JDP2: variants seen among roughly 807,000 people sequenced by gnomAD.
The protein encoded by JDP2 is Jun dimerization protein 2, also known as progesterone receptor co-activator.
JDP2 carries 9 observed loss-of-function variants against 17.1 expected under a neutral mutation model. That is an observed-to-expected ratio of 0.53 (90% CI 0.32 to 0.92). JDP2 has a LOEUF of 0.92. JDP2 is among the 40% of genes least tolerant of loss of function. The pLI is 0.04. For synonymous variants in JDP2, 107 were observed against 95.6 expected (o/e 1.12, Z -0.69); for missense variants, 179 against 220.0 (o/e 0.81, Z 1.18).
chr14:75,440,084 C>T (rs916489408), intron 2 of JDP2, among the ~76,000 whole-genome samples: 5 of 152,188 alleles, frequency 3.3e-5, no homozygotes, highest in Admixed American at 6.5e-5. Context: ...TTACATTTTA[C>T]AGCCACCCCC....
At chr14:75,439,440 A>G in intron 2 of JDP2, among the ~76,000 whole-genome samples, 1 of 152,258 alleles carries the variant, frequency 6.6e-6, no homozygotes, top group Non-Finnish European at 1.5e-5. Context: ...TGGCATGGTA[A>G]TGGCTAAGTG....
At chr14:75,432,469 T>C in intron 1 of JDP2, 2 of 847,502 alleles carry the variant, frequency 2.4e-6, no homozygotes, top group Non-Finnish European at 3.8e-6. Flanking sequence ...TCTTGTTGAG[T>C]CTCAGTCGCC....
At chr14:75,469,198 G>A in intron 3 of JDP2, 92 bp from the exon 4 acceptor site, 4 of 1,210,136 alleles carry the variant, frequency 3.3e-6, no homozygotes, top group Non-Finnish European at 4.7e-6. Context: ...GCCAGTGCCA[G>A]CCCAGCGTGC....
rs779768600 is a variant in JDP2, at chr14:75,469,367, C to A, written c.384C>A (p.Leu128=). The stretch of plus-strand genomic sequence containing the variant: ...AGCTGAAGCAGGAGCGGCAGCAGCT[C>A]ATCCTGATGCTGAACCGACACCGCC... ...IEELKQERQQ[L]ILMLNRHRPT... The change falls in exon 4 of 4, where the codon CTC becomes CTA. Residue 128 remains leucine (L), a synonymous_variant. Coordinates refer to ENST00000651602, the MANE Select transcript of JDP2 (RefSeq NM_001135048.2). The A allele has an allele frequency of 2.5e-6, 4 of 1,614,026 alleles. No homozygotes were observed. In the East Asian group the frequency reaches 6.7e-5, roughly 27 times the overall value.
At chr14:75,436,887 C>G (rs1328820201) in intron 1 of JDP2, among the ~76,000 whole-genome samples, 1 of 152,186 alleles carries the variant, frequency 6.6e-6, no homozygotes, top group Non-Finnish European at 1.5e-5. Context: ...TGTGTTTGCT[C>G]TGAGAATGAA....
At chr14:75,442,086 G>A (rs1459717070) in intron 2 of JDP2, among the ~76,000 whole-genome samples, 2 of 152,122 alleles carry the variant, frequency 1.3e-5, no homozygotes, top group African/African-American at 2.4e-5. Context: ...GGCTAAACTG[G>A]ATGACCTTTC....
At position 75,471,774 on chromosome 14, in the gene JDP2, GGGTCTTGAGGCTGTC is replaced by G. The variant is rs1761076642; in HGVS notation, c.*2304_*2318del. The G allele has an allele frequency of 6.4e-6, 1 of 156,748 alleles. No homozygotes were observed. Among genetic ancestry groups the G allele is most frequent in the Non-Finnish European group, 1.4e-5 (1 of 70,212 alleles). 9.7% of individuals were successfully genotyped at this position (156,748 alleles called of 1,614,324 possible). On this transcript the variant is annotated 3_prime_UTR_variant, in exon 4 of 4. Coordinates refer to ENST00000651602, the MANE Select transcript of JDP2 (RefSeq NM_001135048.2). ...GGCAGCGGGTTGCCTTCTGTCTCGG[GGGTCTTGAGGCTGTC>G]GGTCCGGACGATGCAGGTGAGGCAG... is the stretch of plus-strand genomic sequence containing the variant.
intron 2 of JDP2, among the ~76,000 whole-genome samples, chr14:75,451,216 G>A (rs1328187998): frequency 1.3e-5 from 2 of 152,032 alleles, no homozygotes; most frequent in Admixed American, 6.6e-5. Context: ...AGATCCTTCC[G>A]ATGGCTGGGA....
At chr14:75,453,034 G>A (rs1384618206) in intron 2 of JDP2, among the ~76,000 whole-genome samples, 1 of 152,164 alleles carries the variant, frequency 6.6e-6, no homozygotes, top group Non-Finnish European at 1.5e-5. Flanking sequence ...AGGCTGCCGG[G>A]GGTCAGCAAG....
chr14:75,461,452 A>G lies in JDP2; in HGVS notation c.228A>G (p.Lys76=). ...SELDEEEERR[K]RRREKNKVAA... ...TAGATGAGGAAGAGGAGCGAAGGAA[A>G]AGGCGCCGGGAGAAGAACAAAGTCG... The change falls in exon 3 of 4, where the codon AAA becomes AAG. Residue 76 remains lysine (K), a synonymous_variant. Transcript: ENST00000651602. The G allele has an allele frequency of 1.2e-6, 2 of 1,609,394 alleles. No individual in the cohort carries two copies. The highest frequency in any genetic ancestry group is 1.1e-5 in the South Asian group (1 of 89,496).
intron 2 of JDP2, among the ~76,000 whole-genome samples, chr14:75,447,584 C>G (rs1457225044): frequency 6.7e-6 from 1 of 149,254 alleles, no homozygotes; most frequent in African/African-American, 2.4e-5. Flanking sequence ...CAAAGCTCTT[C>G]CTGCTACTTC....
chr14:75,462,826 GTATCT>G (rs1886399789), intron 3 of JDP2, among the ~76,000 whole-genome samples: 1 of 152,168 alleles, frequency 6.6e-6, no homozygotes, highest in Non-Finnish European at 1.5e-5. Flanking sequence ...ATGGGGCCGT[GTATCT>G]ACCTCCAGGC....
chr14:75,432,946 A>T (rs184388574), intron 1 of JDP2, among the ~76,000 whole-genome samples: 5 of 152,184 alleles, frequency 3.3e-5, no homozygotes, highest in African/African-American at 9.6e-5. Flanking sequence ...TCACGCCCGT[A>T]ATCCCAGCAC....
chr14:75,464,629 C>T (rs1466295088), intron 3 of JDP2, among the ~76,000 whole-genome samples: 2 of 152,194 alleles, frequency 1.3e-5, no homozygotes, highest in Non-Finnish European at 2.9e-5. Context: ...CCCATGGCTA[C>T]TGAGAGACAA....
intron 2 of JDP2, among the ~76,000 whole-genome samples, chr14:75,438,699 A>G (rs982310881): frequency 2.0e-5 from 3 of 152,190 alleles, no homozygotes; most frequent in African/African-American, 4.8e-5. Context: ...TCCGCCTTAG[A>G]TGGCGTTTGC....
intron 2 of JDP2, 104 bp downstream of exon 2, chr14:75,438,225 C>T (rs1248346550): frequency 1.0e-5 from 9 of 860,312 alleles, no homozygotes; most frequent in Middle Eastern, 2.8e-4. Flanking sequence ...CAGTATCATC[C>T]GTACCACCCT....
chr14:75,461,405 A>G (rs764614402), intron 2 of JDP2, 21 bp from the exon 3 acceptor site: 2 of 1,574,074 alleles, frequency 1.3e-6, no homozygotes, highest in South Asian at 1.2e-5. Flanking sequence ...GTGTCTAATC[A>G]GTGGCTCTGT....
Position 75,473,177 on chromosome 14 carries a change from A to G in JDP2, c.*3702A>G, listed in dbSNP as rs912368416. 1.3e-5 allele frequency: 2 copies of G among 152,210 alleles called. No individual in the cohort carries two copies. Among genetic ancestry groups the G allele is most frequent in the African/African-American group, 4.8e-5 (2 of 41,444 alleles). The allele number at this position is 152,210 out of a possible 1,614,324, so 9.4% of individuals were successfully genotyped here. A position where few individuals can be genotyped will look rare whatever the true frequency, so the allele number is the denominator to read the frequency against. On this transcript the variant is annotated 3_prime_UTR_variant, in exon 4 of 4. Transcript: ENST00000651602. ...ACACGGTGAAACCCTGTCTCTACTAATAATACAAAAAATTAGCCGGGCATG... is the reference window on the plus strand; with the variant it reads ...ACACGGTGAAACCCTGTCTCTACTAGTAATACAAAAAATTAGCCGGGCATG...
intron 1 of JDP2, among the ~76,000 whole-genome samples, chr14:75,432,923 CGGGCACGGT>C (rs1473069832): frequency 1.3e-5 from 2 of 151,904 alleles, no homozygotes; most frequent in African/African-American, 2.4e-5. Context: ...ATTTAAGGAC[CGGGCACGGT>C]GGCTCACGCC....
Sources: gnomAD v4.1 joint callset for allele counts (sites outside exome capture counted in the v4.1 genomes callset) on GRCh38, gnomAD v4.1.1 for gene constraint, MANE v1.5 for transcripts, NCBI Gene and HGNC (gene_info 2026-07-23, HGNC 2026-07-21) for gene names.